WDR35: variants seen among roughly 807,000 people sequenced by gnomAD.
WDR35 encodes WD repeat-containing protein 35.
Under a neutral mutation model 158.3 loss-of-function variants are expected in WDR35, and 118 were observed. The observed-to-expected ratio is 0.75, with a 90% confidence interval of 0.64 to 0.87. WDR35 has a LOEUF of 0.87. Among genes scored for constraint, WDR35 ranks in the 40% least tolerant of loss-of-function variants. WDR35 has a pLI of 0.00. For missense variants in WDR35, 1,263 were observed against 1,405.8 expected (o/e 0.90, Z 1.62); for synonymous variants, 448 against 476.1 (o/e 0.94, Z 0.77).
At position 19,913,763 on chromosome 2, in the gene WDR35, C is replaced by T; in HGVS notation, c.3363-55G>A. 3.1e-6 allele frequency: 5 copies of T among 1,609,252 alleles called. No homozygotes were observed. The South Asian group carries it at 4.4e-5, about 14-fold the overall frequency. Reference sequence around the variant, plus strand: ...ACTTTAAAACTTCTCATTAGTCTAACTTTATTTAATACACTTAAAAAAAAC... The same window carrying T: ...ACTTTAAAACTTCTCATTAGTCTAATTTTATTTAATACACTTAAAAAAAAC... On this transcript the variant is annotated intron_variant, in intron 26 of 26. Coordinates refer to ENST00000281405, the MANE Select transcript of WDR35 (RefSeq NM_020779.4).
chr2:19,937,692 CA>C, intron 19 of WDR35, 50 bp downstream of exon 19: 2 of 1,609,736 alleles, frequency 1.2e-6, no homozygotes, highest in South Asian at 2.2e-5. Flanking sequence ...GTAAAAAATA[CA>C]ATGATGAACT....
chr2:19,952,567 T>C (rs1671272803), intron 12 of WDR35, among the ~76,000 whole-genome samples: 1 of 152,172 alleles, frequency 6.6e-6, no homozygotes. Context: ...GCTTCAACTT[T>C]GTCCTAAGAT....
In WDR35 at chr2:19,910,967, GT is replaced by G. The variant is rs2103374543; in HGVS notation, c.*2590del. On this transcript the variant is annotated 3_prime_UTR_variant, in exon 27 of 27. Coordinates refer to ENST00000281405, the MANE Select transcript of WDR35 (RefSeq NM_020779.4). ...CACACACACACGCACACAAAATTAG[GT>G]CCACAAGGTATGAGAGGTTGTTTTT... 6.6e-6 allele frequency: 1 copy of G among 152,248 alleles called. No homozygotes were observed. Among genetic ancestry groups the G allele is most frequent in the Admixed American group, 6.5e-5 (1 of 15,304 alleles). The allele number at this position is 152,248 out of a possible 1,614,324, so 9.4% of individuals were successfully genotyped here.
intron 23 of WDR35, 29 bp downstream of exon 23, chr2:19,932,254 T>C: frequency 6.2e-7 from 1 of 1,612,412 alleles, no homozygotes; most frequent in Non-Finnish European, 8.5e-7. Context: ...CTGGAACAAA[T>C]CAACTATTCA....
At chr2:19,933,591 G>T in intron 21 of WDR35, 80 bp from the exon 22 acceptor site, 1 of 1,208,802 alleles carries the variant, frequency 8.3e-7, no homozygotes, top group Admixed American at 1.8e-5. Context: ...ACTCCGTAGG[G>T]ACGTATGAGT....
intron 25 of WDR35, among the ~76,000 whole-genome samples, chr2:19,916,200 T>TC (rs1185180498): frequency 1.3e-5 from 2 of 152,160 alleles, no homozygotes. Context: ...TACCGTGCAC[T>TC]CCGGCCCAGA....
chr2:19,925,468 T>C (rs1421533799), intron 25 of WDR35, among the ~76,000 whole-genome samples: 1 of 152,204 alleles, frequency 6.6e-6, no homozygotes, highest in Non-Finnish European at 1.5e-5. Context: ...GTGAAGTAAC[T>C]ATTTAGGGGA....
At chr2:19,948,296 C>G in intron 13 of WDR35, 79 bp from the exon 14 acceptor site, 1 of 1,287,750 alleles carries the variant, frequency 7.8e-7, no homozygotes, top group Non-Finnish European at 1.1e-6. Flanking sequence ...GTATGCAATT[C>G]ACTAAGCAGT....
intron 18 of WDR35, 115 bp downstream of exon 18, chr2:19,938,150 G>A: frequency 1.4e-6 from 2 of 1,477,782 alleles, no homozygotes; most frequent in Non-Finnish European, 9.3e-7. Context: ...TTAAAAAGAA[G>A]AGCAAGAATG....
chr2:19,984,636 A>T (rs1220710185), intron 2 of WDR35, among the ~76,000 whole-genome samples: 1 of 152,244 alleles, frequency 6.6e-6, no homozygotes, highest in African/African-American at 2.4e-5. Flanking sequence ...GCTTTTAAAA[A>T]ATTAAGGTGT....
chr2:19,926,103 G>T (rs904353452), intron 25 of WDR35, among the ~76,000 whole-genome samples: 3 of 152,178 alleles, frequency 2.0e-5, no homozygotes, highest in Non-Finnish European at 4.4e-5. Context: ...TCAGGTAAAT[G>T]GAGAATTTTA....
intron 2 of WDR35, among the ~76,000 whole-genome samples, chr2:19,985,328 CA>C (rs149986026): frequency 5.8e-4 from 87 of 150,810 alleles, no homozygotes; most frequent in African/African-American, 1.9e-3. Flanking sequence ...CCATCATCCT[CA>C]AACCCTACCA....
intron 11 of WDR35, among the ~76,000 whole-genome samples, chr2:19,960,031 AAGTC>A (rs1342542371): frequency 6.6e-6 from 1 of 152,042 alleles, no homozygotes; most frequent in Non-Finnish European, 1.5e-5. Context: ...TGAAAACAAA[AAGTC>A]AGGAATTTTT....
Position 19,925,750 on chromosome 2 carries a change from A to G in WDR35, c.3121+4646T>C, listed in dbSNP as rs569618192. Among the ~76,000 whole-genome samples, 8 of 152,362 alleles carry G rather than the reference A, an allele frequency of 5.3e-5. No individual in the cohort carries two copies. In the South Asian group the frequency reaches 1.7e-3, roughly 32 times the overall value. On this transcript the variant is annotated intron_variant, in intron 25 of 26. Coordinates refer to ENST00000281405, the MANE Select transcript of WDR35 (RefSeq NM_020779.4). Reference sequence around the variant, plus strand: ...GGAGCACAAGTTCTAATTCCAGAACAATTATATAGCCCTCAAAGTCAACAT... The same window carrying G: ...GGAGCACAAGTTCTAATTCCAGAACGATTATATAGCCCTCAAAGTCAACAT...
intron 25 of WDR35, among the ~76,000 whole-genome samples, chr2:19,917,293 G>GAGCA (rs1342605686): frequency 6.6e-6 from 1 of 152,162 alleles, no homozygotes; most frequent in Non-Finnish European, 1.5e-5. Flanking sequence ...GGAGAAACCA[G>GAGCA]AGCAAAAAGG....
chr2:19,988,631 T>C (rs1369742823), intron 2 of WDR35, among the ~76,000 whole-genome samples: 1 of 152,178 alleles, frequency 6.6e-6, no homozygotes, highest in African/African-American at 2.4e-5. Context: ...AGGTCTTCAA[T>C]CTAGGGGGGC....
intron 25 of WDR35, among the ~76,000 whole-genome samples, chr2:19,923,082 G>C (rs1019593793): frequency 3.9e-5 from 6 of 152,168 alleles, no homozygotes; most frequent in Admixed American, 3.9e-4. Context: ...ATAGAAACAA[G>C]GCTAATGACT....
At chr2:19,966,617 C>T in intron 10 of WDR35, 107 bp downstream of exon 10, 1 of 1,311,390 alleles carries the variant, frequency 7.6e-7, no homozygotes, top group South Asian at 1.3e-5. Flanking sequence ...CCAACAGACC[C>T]AATGTTTTGA....
rs758108877 is a variant in WDR35 at position 19,989,974 on chromosome 2, G to A, written c.24+18C>T. 9.3e-6 allele frequency: 15 copies of A among 1,613,580 alleles called. No homozygotes were observed. Among genetic ancestry groups the A allele is most frequent in the Non-Finnish European group, 1.3e-5 (15 of 1,179,754 alleles). The stretch of plus-strand genomic sequence containing the variant: ...GCGGGAATGGCGGAGAAACGAGGAC[G>A]CCCCCCAGGAAACTCACTTTCTTGC... On this transcript the variant is annotated intron_variant, in intron 1 of 26. Coordinates refer to ENST00000281405, the MANE Select transcript of WDR35 (RefSeq NM_020779.4).
Sources: allele counts gnomAD v4.1 joint callset (sites outside exome capture counted in the v4.1 genomes callset), GRCh38; gene constraint gnomAD v4.1.1; transcripts MANE v1.5; gene names NCBI Gene and HGNC (gene_info 2026-07-23, HGNC 2026-07-21).